The following RBFOX1 variants were observed in gnomAD, a reference collection of about 807,000 sequenced individuals.
The protein encoded by RBFOX1 is RNA binding fox-1 homolog 1.
RBFOX1 carries 8 observed loss-of-function variants against 57.7 expected under a neutral mutation model. That is an observed-to-expected ratio of 0.14 (90% CI 0.08 to 0.25). RBFOX1 has a LOEUF of 0.25. RBFOX1 is among the 10% of genes least tolerant of loss of function. RBFOX1 has a pLI of 1.00. For synonymous variants in RBFOX1, 326 were observed against 222.4 expected (o/e 1.47, Z -4.15); for missense variants, 611 against 548.5 (o/e 1.11, Z -1.14).
chr16:7,335,607 A>AAAC (rs2096772381), intron 4 of RBFOX1, among the ~76,000 whole-genome samples: 2 of 63,674 alleles, frequency 3.1e-5, no homozygotes, highest in East Asian at 5.1e-4. Flanking sequence ...AAAAAAAAAA[A>AAAC]AACCAAGTGA....
At position 6,126,982 on chromosome 16, in the gene RBFOX1, G is replaced by A. The variant is rs187873852; in HGVS notation, c.-127+106990G>A. Among the ~76,000 whole-genome samples the A allele has an allele frequency of 3.1e-3, 476 of 152,244 alleles. 8 individuals carry two copies. Among genetic ancestry groups the A allele is most frequent in the Middle Eastern group, 6.8e-3 (2 of 294 alleles). On this transcript the variant is annotated intron_variant, in intron 1 of 15. Transcript: ENST00000550418. ...GATAAAAAACAAGGAGGGTTTCATC[G>A]ATATAGGATGGTCGGGGAAGGCTCT...
chr16:6,136,625 C>A (rs1023811783), intron 1 of RBFOX1, among the ~76,000 whole-genome samples: 1 of 152,030 alleles, frequency 6.6e-6, no homozygotes, highest in African/African-American at 2.4e-5. Context: ...AAGTAATATT[C>A]CAGAAAAACC....
In RBFOX1 at chr16:6,120,006, C is replaced by G. The variant is rs74938135; in HGVS notation, c.-127+100014C>G. Among the ~76,000 whole-genome samples, 1,113 of 152,258 alleles carry G rather than the reference C, an allele frequency of 7.3e-3. 15 individuals are homozygous for G. The highest frequency in any genetic ancestry group is 0.025 in the African/African-American group (1,040 of 41,540). The stretch of plus-strand genomic sequence containing the variant: ...TTCTCTATGTATAGATTTTCCTTTT[C>G]TGGATATTTTGTGTAAACAGAATCA... On this transcript the variant is annotated intron_variant, in intron 1 of 15. Transcript: ENST00000550418.
At chr16:7,557,264 G>T (rs188905870) in intron 5 of RBFOX1, among the ~76,000 whole-genome samples, 1 of 151,984 alleles carries the variant, frequency 6.6e-6, no homozygotes, top group African/African-American at 2.4e-5. Flanking sequence ...TATTGCCAAA[G>T]AGAATTGTAA....
intron 2 of RBFOX1, among the ~76,000 whole-genome samples, chr16:6,577,560 A>G (rs1362795385): frequency 6.6e-6 from 1 of 152,320 alleles, no homozygotes; most frequent in East Asian, 1.9e-4. Flanking sequence ...GCTGATGAAG[A>G]TTCACTGAGG....
At chr16:7,299,431 A>C (rs9929817) in intron 4 of RBFOX1, among the ~76,000 whole-genome samples, 18 of 152,188 alleles carry the variant, frequency 1.2e-4, no homozygotes, top group Non-Finnish European at 2.4e-4. Flanking sequence ...CCACACCCAA[A>C]CTAGAAAGCT....
intron 4 of RBFOX1, chr16:7,304,413 C>G: frequency 4.1e-6 from 4 of 985,382 alleles, no homozygotes; most frequent in Non-Finnish European, 4.8e-6. Flanking sequence ...CGGGGGCCAC[C>G]TGCGTGGCGC....
intron 4 of RBFOX1, among the ~76,000 whole-genome samples, chr16:7,481,080 C>G (rs544379058): frequency 3.0e-4 from 45 of 152,286 alleles, no homozygotes; most frequent in Admixed American, 2.5e-3. Context: ...TCCTATTGCT[C>G]CTTACATCTG....
At chr16:7,492,130 A>T (rs145956256) in intron 4 of RBFOX1, among the ~76,000 whole-genome samples, 1 of 152,262 alleles carries the variant, frequency 6.6e-6, no homozygotes, top group African/African-American at 2.4e-5. Flanking sequence ...TGCAATAAAC[A>T]GACTACTTAG....
intron 1 of RBFOX1, among the ~76,000 whole-genome samples, chr16:6,292,195 G>C (rs1294518146): frequency 6.6e-6 from 1 of 152,120 alleles, no homozygotes; most frequent in Non-Finnish European, 1.5e-5. Context: ...AAGAGGTCAA[G>C]GCTGCAGTAA....
chr16:7,485,299 G>T (rs1433415389), intron 4 of RBFOX1, among the ~76,000 whole-genome samples: 1 of 152,286 alleles, frequency 6.6e-6, no homozygotes, highest in South Asian at 2.1e-4. Context: ...GGCAGACCAC[G>T]CAGTGACTAT....
At chr16:6,435,360 G>A (rs1321929134) in intron 2 of RBFOX1, among the ~76,000 whole-genome samples, 1 of 152,172 alleles carries the variant, frequency 6.6e-6, no homozygotes, top group Non-Finnish European at 1.5e-5. Context: ...GAGGGCAGTA[G>A]TGTGATCTCG....
chr16:5,753,626 G>A (rs2053293131), intron 3 of RBFOX1, among the ~76,000 whole-genome samples: 1 of 152,154 alleles, frequency 6.6e-6, no homozygotes, highest in African/African-American at 2.4e-5. Context: ...GCTGGTTGAT[G>A]TCATATTGGC....
At chr16:5,301,459 A>C (rs1334870202) in intron 1 of RBFOX1, among the ~76,000 whole-genome samples, 1 of 151,954 alleles carries the variant, frequency 6.6e-6, no homozygotes, top group African/African-American at 2.4e-5. Context: ...CTCTACTAAA[A>C]ACACAAAAAA....
At chr16:7,175,086 C>T (rs915808333) in intron 4 of RBFOX1, among the ~76,000 whole-genome samples, 13 of 150,726 alleles carry the variant, frequency 8.6e-5, no homozygotes, top group Admixed American at 1.3e-4. Context: ...AGGATGTGCA[C>T]GTTTGTTACA....
chr16:6,671,386 T>TG (rs781215007), intron 3 of RBFOX1, among the ~76,000 whole-genome samples: 1 of 152,204 alleles, frequency 6.6e-6, no homozygotes, highest in Non-Finnish European at 1.5e-5. Context: ...ATTTTGACCA[T>TG]GTCTAAAATT....
At chr16:6,603,191 C>A (rs538019457) in intron 2 of RBFOX1, among the ~76,000 whole-genome samples, 2 of 152,234 alleles carry the variant, frequency 1.3e-5, no homozygotes, top group Non-Finnish European at 2.9e-5. Flanking sequence ...GCCTTAAGAA[C>A]AAGATTGACC....
chr16:6,914,257 C>G (rs139587550), intron 3 of RBFOX1, among the ~76,000 whole-genome samples: 1 of 152,052 alleles, frequency 6.6e-6, no homozygotes, highest in Non-Finnish European at 1.5e-5. Context: ...TATTGCAGTA[C>G]GAAAGCAAAA....
intron 4 of RBFOX1, among the ~76,000 whole-genome samples, chr16:7,480,836 T>C (rs374943468): frequency 6.6e-6 from 1 of 152,164 alleles, no homozygotes. Context: ...CAGCTGGGAA[T>C]TGAAACAGCC....
Sources: allele counts gnomAD v4.1 joint callset (sites outside exome capture counted in the v4.1 genomes callset), GRCh38; gene constraint gnomAD v4.1.1; transcripts MANE v1.5; gene names NCBI Gene and HGNC (gene_info 2026-07-23, HGNC 2026-07-21).